Variants in SDK1 observed in about 807,000 individuals in gnomAD.
SDK1 encodes the protein protein sidekick-1.
Under a neutral mutation model 245.5 loss-of-function variants are expected in SDK1, and 157 were observed. That is an observed-to-expected ratio of 0.64 (90% CI 0.56 to 0.73). SDK1 has a LOEUF of 0.73. Ranked by LOEUF, SDK1 falls within the 30% of genes least tolerant of loss-of-function variation. The pLI is 0.00. For missense variants in SDK1, 3,583 were observed against 3,002.3 expected (o/e 1.19, Z -4.52); for synonymous variants, 1,647 against 1,278.5 (o/e 1.29, Z -6.15).
chr7:3,783,609 C>T (rs903131448), intron 4 of SDK1, among the ~76,000 whole-genome samples: 3 of 152,140 alleles, frequency 2.0e-5, no homozygotes, highest in South Asian at 4.1e-4. Context: ...GGAACAATTT[C>T]ATTTACAACA....
chr7:3,871,616 A>G (rs542979743), intron 5 of SDK1, among the ~76,000 whole-genome samples: 1 of 152,354 alleles, frequency 6.6e-6, no homozygotes, highest in African/African-American at 2.4e-5. Flanking sequence ...TGTGGAAAGT[A>G]AAGGAGAGCC....
At chr7:3,847,321 A>G (rs893735838) in intron 5 of SDK1, among the ~76,000 whole-genome samples, 2 of 152,362 alleles carry the variant, frequency 1.3e-5, no homozygotes, top group East Asian at 1.9e-4. Context: ...CCATAAACCT[A>G]GAAATCCTGG....
chr7:3,986,750 A>C (rs987013867), intron 13 of SDK1, among the ~76,000 whole-genome samples: 2 of 152,184 alleles, frequency 1.3e-5, no homozygotes, highest in African/African-American at 4.8e-5. Flanking sequence ...AATCCCACCT[A>C]CTAGGGAGAC....
chr7:4,011,524 G>C (rs1162669219), intron 15 of SDK1, among the ~76,000 whole-genome samples: 4 of 152,204 alleles, frequency 2.6e-5, no homozygotes, highest in Admixed American at 2.6e-4. Context: ...TCTCTGCAGA[G>C]GCGTCGCATT....
At chr7:3,567,072 T>C (rs778279977) in intron 1 of SDK1, among the ~76,000 whole-genome samples, 1 of 152,186 alleles carries the variant, frequency 6.6e-6, no homozygotes, top group Non-Finnish European at 1.5e-5. Flanking sequence ...GGAACACTTT[T>C]AGATAATTGA....
intron 19 of SDK1, among the ~76,000 whole-genome samples, chr7:4,064,609 C>T (rs922349457): frequency 2.6e-5 from 4 of 152,126 alleles, no homozygotes; most frequent in African/African-American, 9.7e-5. Flanking sequence ...GATACCCATA[C>T]CCCATGCTTA....
intron 35 of SDK1, among the ~76,000 whole-genome samples, chr7:4,204,686 T>C (rs1784092678): frequency 6.6e-6 from 1 of 152,184 alleles, no homozygotes; most frequent in African/African-American, 2.4e-5. Context: ...GCTGCACTCC[T>C]GGGCCGCAGC....
chr7:3,936,502 G>A (rs1296182191), intron 5 of SDK1, among the ~76,000 whole-genome samples: 9 of 151,718 alleles, frequency 5.9e-5, no homozygotes, highest in East Asian at 3.9e-4. Flanking sequence ...GGAGAAACAC[G>A]TGAACCCGTG....
chr7:3,905,064 A>G (rs1778850894), intron 5 of SDK1, among the ~76,000 whole-genome samples: 1 of 151,976 alleles, frequency 6.6e-6, no homozygotes, highest in African/African-American at 2.4e-5. Context: ...CTTTTATGAT[A>G]TATGAATTAT....
intron 1 of SDK1, among the ~76,000 whole-genome samples, chr7:3,480,931 T>A (rs1222518982): frequency 2.0e-5 from 3 of 152,198 alleles, no homozygotes; most frequent in Admixed American, 6.5e-5. Flanking sequence ...CTTTTAACCT[T>A]CTTTCTGTTG....
At chr7:3,897,518 A>G (rs1311799875) in intron 5 of SDK1, among the ~76,000 whole-genome samples, 3 of 152,164 alleles carry the variant, frequency 2.0e-5, no homozygotes, top group African/African-American at 7.2e-5. Flanking sequence ...ATATTGTAGT[A>G]TGTGTTGGAA....
chr7:4,024,607 C>G (rs543630657), intron 17 of SDK1, among the ~76,000 whole-genome samples: 4 of 152,282 alleles, frequency 2.6e-5, no homozygotes. Context: ...TGTGCCACGT[C>G]CTTACATTCA....
intron 2 of SDK1, among the ~76,000 whole-genome samples, chr7:3,629,247 G>A (rs1782213571): frequency 6.6e-6 from 1 of 151,204 alleles, no homozygotes; most frequent in Non-Finnish European, 1.5e-5. Context: ...CTTGCAGTGA[G>A]CTGAGATCTC....
At chr7:3,845,324 T>A (rs973073566) in intron 5 of SDK1, among the ~76,000 whole-genome samples, 2 of 151,858 alleles carry the variant, frequency 1.3e-5, no homozygotes, top group African/African-American at 4.8e-5. Flanking sequence ...ACCCTGTCTC[T>A]ACTAAAAATA....
intron 1 of SDK1, among the ~76,000 whole-genome samples, chr7:3,328,334 A>C (rs1171560293): frequency 6.6e-6 from 1 of 152,152 alleles, no homozygotes; most frequent in East Asian, 1.9e-4. Flanking sequence ...GTCTACACTT[A>C]TGAGCTCTTA....
intron 5 of SDK1, among the ~76,000 whole-genome samples, chr7:3,881,838 G>T (rs1781215644): frequency 6.6e-6 from 1 of 152,188 alleles, no homozygotes; most frequent in South Asian, 2.1e-4. Context: ...CTCTCAAGTG[G>T]TTCATGGTAC....
intron 32 of SDK1, among the ~76,000 whole-genome samples, chr7:4,166,795 C>A (rs1029385719): frequency 7.2e-5 from 11 of 152,216 alleles, no homozygotes; most frequent in African/African-American, 2.7e-4. Context: ...TCCCTCAGCC[C>A]AGCTCCCTGT....
intron 1 of SDK1, among the ~76,000 whole-genome samples, chr7:3,366,466 C>T (rs2128562027): frequency 6.6e-6 from 1 of 152,002 alleles, no homozygotes; most frequent in East Asian, 1.9e-4. Context: ...GCCATGTGTA[C>T]TTTTATTAGA....
intron 1 of SDK1, among the ~76,000 whole-genome samples, chr7:3,457,481 G>C (rs543166641): frequency 1.3e-5 from 2 of 152,068 alleles, no homozygotes; most frequent in Non-Finnish European, 2.9e-5. Flanking sequence ...TCATAATGTG[G>C]TGTGTACATC....
Sources: allele counts gnomAD v4.1 joint callset (sites outside exome capture counted in the v4.1 genomes callset), GRCh38; gene constraint gnomAD v4.1.1; transcripts MANE v1.5; gene names NCBI Gene and HGNC (gene_info 2026-07-23, HGNC 2026-07-21).